The following MAST1 variants were observed in gnomAD, a reference collection of about 807,000 sequenced individuals.
The protein encoded by MAST1 is microtubule-associated serine/threonine-protein kinase 1.
Under a neutral mutation model 124.6 loss-of-function variants are expected in MAST1, and 40 were observed. That is an observed-to-expected ratio of 0.32 (90% confidence interval 0.25 to 0.42). The LOEUF is 0.42. Ranked by LOEUF, MAST1 falls within the 10% of genes least tolerant of loss-of-function variation. The probability of loss-of-function intolerance (pLI) is 1.00; values close to 1 mark genes in which losing one functional copy is unlikely to be tolerated. For synonymous variants in MAST1, 938 were observed against 939.4 expected (o/e 1.00, Z 0.03); for missense variants, 1,558 against 2,181.9 (o/e 0.71, Z 5.70).
In MAST1 at chr19:12,847,719, A is replaced by G. The variant is rs1192166665; in HGVS notation, c.564+32A>G. ...TGGGACCCGAGGCGGTCACGGGGTG[A>G]CCAGGCGGCCTGCACTCTCGCTCGC... On this transcript the variant is annotated intron_variant, in intron 6 of 25. Transcript: ENST00000251472. This position sits in a 1 kb window ranked among gnomAD's most constrained non-coding sequence, Gnocchi z 5.5. The G allele has an allele frequency of 5.6e-6, 9 of 1,609,552 alleles. No individual in the cohort carries two copies. Among genetic ancestry groups the G allele is most frequent in the Non-Finnish European group, 8.5e-7 (1 of 1,177,418 alleles).
intron 22 of MAST1, 105 bp downstream of exon 22, chr19:12,869,400 C>G: frequency 6.0e-6 from 5 of 828,434 alleles, no homozygotes; most frequent in Admixed American, 2.3e-5. Flanking sequence ...CTGTGACCCT[C>G]TATGCCTCTT....
rs748708850 is a variant in MAST1, at chr19:12,847,801, G to T, written c.565-47G>T. The T allele has an allele frequency of 1.1e-5, 18 of 1,578,700 alleles. No individual in the cohort carries two copies. The highest frequency in any genetic ancestry group is 8.1e-5 in the African/African-American group (6 of 74,120). On this transcript the variant is annotated intron_variant, in intron 6 of 25. Coordinates refer to ENST00000251472, the MANE Select transcript of MAST1 (RefSeq NM_014975.3). This position sits in a 1 kb window ranked among gnomAD's most constrained non-coding sequence, Gnocchi z 5.5. ...TGCGCAGCGCAGGCTCCTGGCGGCC[G>T]CAGCCTTCGGGCACAGCCCCGCGCC...
Position 12,866,910 on chromosome 19 carries a change from C to G in MAST1, c.2139+148C>G, listed in dbSNP as rs1233684043. 1 of 618,938 alleles carries G rather than the reference C, an allele frequency of 1.6e-6. No individual in the cohort carries two copies. Among genetic ancestry groups the G allele is most frequent in the Admixed American group, 2.5e-5 (1 of 40,086 alleles). The allele number at this position is 618,938 out of a possible 1,614,324, so 38.3% of individuals were successfully genotyped here. On this transcript the variant is annotated intron_variant, in intron 18 of 25. Coordinates refer to ENST00000251472, the MANE Select transcript of MAST1 (RefSeq NM_014975.3). This position sits in a 1 kb window ranked among gnomAD's most constrained non-coding sequence, Gnocchi z 5.2. The stretch of plus-strand genomic sequence containing the variant: ...GAGTCTGGAAGGTGGTAAGGCCACG[C>G]AAGAGGCAGGTTCGGGAGTCTATGG...
At position 12,838,694 on chromosome 19, in the gene MAST1, C is replaced by T. The variant is rs1389398678; in HGVS notation, c.83+39C>T. 1.3e-6 allele frequency: 2 copies of T among 1,580,122 alleles called. No individual in the cohort carries two copies. Among genetic ancestry groups the T allele is most frequent in the Non-Finnish European group, 1.7e-6 (2 of 1,155,890 alleles). On this transcript the variant is annotated intron_variant, in intron 1 of 25. Transcript: ENST00000251472. The surrounding 1 kb of genome is among the most constrained non-coding windows in gnomAD (Gnocchi z 4.3). ...CCCCTAGACATTGTCCCGGCCCTCC[C>T]CGCAAAAGCCGCCGCTCCGGGTACT... is the stretch of plus-strand genomic sequence containing the variant.
At position 12,871,913 on chromosome 19, in the gene MAST1, CAAAAAAAAAAAAA is replaced by C. The variant is rs34674708; in HGVS notation, c.3263+753_3263+765del. Among the ~76,000 whole-genome samples the C allele has an allele frequency of 1.1e-4, 7 of 61,042 alleles. No individual in the cohort carries two copies. In the South Asian group the frequency reaches 1.9e-3, roughly 16 times the overall value. 40.0% of individuals were successfully genotyped at this position (61,042 alleles called of 152,430 possible). ...CTGTGACAACAGAGCTAGACTCTTT[CAAAAAAAAAAAAA>C]AAAAAAAAAAAGAGGGGCTGTAAAA... On this transcript the variant is annotated intron_variant, in intron 24 of 25. Coordinates refer to ENST00000251472, the MANE Select transcript of MAST1 (RefSeq NM_014975.3).
chr19:12,838,535 T>A lies in MAST1; in HGVS notation c.-38T>A. On this transcript the variant is annotated 5_prime_UTR_variant, in exon 1 of 26. Transcript: ENST00000251472. The surrounding 1 kb of genome is among the most constrained non-coding windows in gnomAD (Gnocchi z 4.3). ...CCGCCGCCGCCGCCGCCTCCGCCGC[T>A]GCTGCCGCACCTGCCACCATGTCGC... 6.9e-7 allele frequency: 1 copy of A among 1,449,970 alleles called. No homozygotes were observed. The highest frequency in any genetic ancestry group is 9.2e-7 in the Non-Finnish European group (1 of 1,090,704). The allele number at this position is 1,449,970 out of a possible 1,614,324, so 89.8% of individuals were successfully genotyped here.
At chr19:12,870,737 A>C in intron 22 of MAST1, 87 bp from the exon 23 acceptor site, 1 of 1,378,046 alleles carries the variant, frequency 7.3e-7, no homozygotes, top group Non-Finnish European at 9.8e-7. Context: ...TAATGCATGC[A>C]GAGCTAAGTG....
At position 12,874,753 on chromosome 19, in the gene MAST1, C is replaced by A. The variant is rs143492281; in HGVS notation, c.4596C>A (p.Leu1532=). The change falls in exon 26 of 26, where the codon CTC becomes CTA. Residue 1532 remains leucine, a synonymous_variant. Coordinates refer to ENST00000251472, the MANE Select transcript of MAST1 (RefSeq NM_014975.3). This position sits in a 1 kb window ranked among gnomAD's most constrained non-coding sequence, Gnocchi z 6.6. ...SAVTPVPPAS[L]LGSGTKPQVG... ...TGACCCCAGTCCCACCCGCATCCCT[C>A]TTGGGCTCAGGCACCAAGCCTCAAG... The A allele has an allele frequency of 1.7e-5, 27 of 1,604,960 alleles. No individual in the cohort carries two copies. The African/African-American group carries it at 3.2e-4, about 19-fold the overall frequency.
Position 12,840,992 on chromosome 19 carries a change from C to A in MAST1, c.174C>A (p.Gly58=). The A allele has an allele frequency of 1.6e-6, 2 of 1,243,320 alleles. No homozygotes were observed. The highest frequency in any genetic ancestry group is 2.4e-6 in the Non-Finnish European group (2 of 840,536). 77.0% of individuals were successfully genotyped at this position (1,243,320 alleles called of 1,614,324 possible). The change falls in exon 3 of 26, where the codon GGC becomes GGA. Residue 58 remains glycine, a splice_region_variant and synonymous_variant. Transcript: ENST00000251472. ...ATTTGCCCCCTCTTTCTCTCATAGG[C>A]AGCAGTCCCCTGGACAGCCCCCGAA... is the stretch of plus-strand genomic sequence containing the variant. ...RPHSPLPGHL[G]SSPLDSPRNF...
At chr19:12,849,653 G>C (rs897117696) in intron 7 of MAST1, among the ~76,000 whole-genome samples, 3 of 151,632 alleles carry the variant, frequency 2.0e-5, no homozygotes, top group Non-Finnish European at 2.9e-5. Context: ...AACAGAGTGA[G>C]ATTCTGTCTC....
intron 12 of MAST1, among the ~76,000 whole-genome samples, chr19:12,864,214 A>G (rs1428853322): frequency 6.6e-6 from 1 of 152,010 alleles, no homozygotes; most frequent in Non-Finnish European, 1.5e-5. Flanking sequence ...GGCGTGAGCT[A>G]CCATGCCCAG....
At chr19:12,844,156 C>T (rs1969864187) in intron 4 of MAST1, among the ~76,000 whole-genome samples, 1 of 152,206 alleles carries the variant, frequency 6.6e-6, no homozygotes. Flanking sequence ...TCATTTCTGA[C>T]TCACTCATTT....
intron 10 of MAST1, among the ~76,000 whole-genome samples, chr19:12,853,995 T>A (rs1387820917): frequency 6.6e-6 from 1 of 151,610 alleles, no homozygotes; most frequent in South Asian, 2.1e-4. Context: ...GTTGCAGAAC[T>A]TTTTTATCAC....
rs974233720 is a variant in MAST1 at position 12,866,400 on chromosome 19, T to C, written c.2030-253T>C. ...AGAGGTACTAGCGCTCAGAATGGCC[T>C]GGGGTGATGCCAGGGTGCAGAGCAC... is the stretch of plus-strand genomic sequence containing the variant. On this transcript the variant is annotated intron_variant, in intron 17 of 25. Coordinates refer to ENST00000251472, the MANE Select transcript of MAST1 (RefSeq NM_014975.3). This position sits in a 1 kb window ranked among gnomAD's most constrained non-coding sequence, Gnocchi z 5.2. Among the ~76,000 whole-genome samples, 9 of 152,062 alleles carry C rather than the reference T, an allele frequency of 5.9e-5. No homozygotes were observed. Among genetic ancestry groups the C allele is most frequent in the African/African-American group, 2.2e-4 (9 of 41,404 alleles).
chr19:12,848,231 G>T lies in MAST1; in HGVS notation c.774+174G>T, dbSNP rs1201355591. 6.6e-6 allele frequency: 4 copies of T among 606,572 alleles called. No individual in the cohort carries two copies. The East Asian group carries it at 1.1e-4, about 17-fold the overall frequency. 37.6% of individuals were successfully genotyped at this position (606,572 alleles called of 1,614,324 possible). A position where few individuals can be genotyped will look rare whatever the true frequency, so the allele number is the denominator to read the frequency against. Reference sequence around the variant, plus strand: ...GTCCCTTCCCTAGGTCTGACCGACTGAAGAGGCAGGAATTTCACCTCGCTC... The same window carrying T: ...GTCCCTTCCCTAGGTCTGACCGACTTAAGAGGCAGGAATTTCACCTCGCTC... On this transcript the variant is annotated intron_variant, in intron 7 of 25. Transcript: ENST00000251472.
In MAST1 at chr19:12,873,484, C is replaced by A. The variant is rs765888278; in HGVS notation, c.3424C>A (p.Arg1142Ser). Residue 1142 changes from arginine to serine, a missense_variant, in exon 25 of 26, where the codon CGC becomes AGC. This residue lies in a region of MAST1 where 291 missense variants were observed against 475.8 expected (regional missense o/e 0.61). Transcript: ENST00000251472. ...LPARSPTHSY[R>S]STPDSAYLGA... ...GGCGCGCTCGCCCACGCACAGCTAC[C>A]GCTCCACGCCTGACTCCGCCTACCT... The A allele has an allele frequency of 3.1e-6, 5 of 1,607,402 alleles. No individual in the cohort carries two copies. Among genetic ancestry groups the A allele is most frequent in the East Asian group, 2.2e-5 (1 of 44,812 alleles).
Position 12,874,641 on chromosome 19 carries a change from G to A in MAST1, c.4484G>A (p.Arg1495His), listed in dbSNP as rs569205063. 5.9e-6 allele frequency: 9 copies of A among 1,523,172 alleles called. No homozygotes were observed. The South Asian group carries it at 1.2e-4, about 20-fold the overall frequency. 94.4% of individuals were successfully genotyped at this position (1,523,172 alleles called of 1,614,324 possible). Residue 1495 changes from arginine (R) to histidine (H), a missense_variant, in exon 26 of 26, where the codon CGC becomes CAC. Around this residue, in one of 10 missense-constraint regions of MAST1, gnomAD observed 168 missense variants for 154.3 expected, o/e 1.09. Coordinates refer to ENST00000251472, the MANE Select transcript of MAST1 (RefSeq NM_014975.3). The surrounding 1 kb of genome is among the most constrained non-coding windows in gnomAD (Gnocchi z 6.6). ...VEERTTLSGP[R>H]SKPASPKLSP... is the part of the protein sequence containing the mutation. Reference sequence around the variant, plus strand: ...GAGCGCACCACGCTGAGCGGTCCTCGCTCCAAGCCCGCCTCCCCAAAGCTC... The same window carrying A: ...GAGCGCACCACGCTGAGCGGTCCTCACTCCAAGCCCGCCTCCCCAAAGCTC...
chr19:12,841,741 T>G lies in MAST1; in HGVS notation c.248+675T>G, dbSNP rs1265408966. 6.6e-6 allele frequency among the ~76,000 whole-genome samples: 1 copy of G among 152,212 alleles called. No individual in the cohort carries two copies. Among genetic ancestry groups the G allele is most frequent in the Non-Finnish European group, 1.5e-5 (1 of 68,036 alleles). On this transcript the variant is annotated intron_variant, in intron 3 of 25. Coordinates refer to ENST00000251472, the MANE Select transcript of MAST1 (RefSeq NM_014975.3). The surrounding 1 kb of genome is among the most constrained non-coding windows in gnomAD (Gnocchi z 4.3). ...TCAATGACGTCCTGTCTCTACCCTC[T>G]GAGTCGAATAGGGCAGGCAGGCCAG...
chr19:12,847,556 G>A lies in MAST1; in HGVS notation c.489-56G>A, dbSNP rs1378545521. 25 of 1,612,918 alleles carry A rather than the reference G, an allele frequency of 1.5e-5. No homozygotes were observed. In the Admixed American group the frequency reaches 3.7e-4, roughly 24 times the overall value. ...AAAAGGGTTACATCTTGGGGCGGGG[G>A]CTCTCTGCGGGCTTGGAGGCAGAGG... On this transcript the variant is annotated intron_variant, in intron 5 of 25. Coordinates refer to ENST00000251472, the MANE Select transcript of MAST1 (RefSeq NM_014975.3). This position sits in a 1 kb window ranked among gnomAD's most constrained non-coding sequence, Gnocchi z 5.5.
Sources: gnomAD v4.1 joint callset for allele counts (sites outside exome capture counted in the v4.1 genomes callset) on GRCh38, gnomAD v4.1.1 for gene constraint, gnomAD v4.1.1 regional missense constraint, Gnocchi (gnomAD v3.1) non-coding constraint, MANE v1.5 for transcripts, NCBI Gene and HGNC (gene_info 2026-07-23, HGNC 2026-07-21) for gene names.